The following IL1R1 variants were observed in gnomAD, a reference collection of about 807,000 sequenced individuals.
The protein encoded by IL1R1 is interleukin 1 receptor type 1, also known as interleukin-1 receptor type 1.
Under a neutral mutation model 50.2 loss-of-function variants are expected in IL1R1, and 22 were observed. That is an observed-to-expected ratio of 0.44 (90% CI 0.31 to 0.63). The LOEUF is 0.63. IL1R1 is among the 20% of genes least tolerant of loss of function. The pLI, the probability that IL1R1 is intolerant of heterozygous loss-of-function variation, is 0.07. For synonymous variants in IL1R1, 251 were observed against 236.7 expected (o/e 1.06, Z -0.55); for missense variants, 509 against 676.2 (o/e 0.75, Z 2.74).
Position 102,157,761 on chromosome 2 carries a change from C to T in IL1R1, c.37C>T (p.Leu13=), listed in dbSNP as rs777273469. Residue 13 remains leucine (L), a synonymous_variant, in exon 3 of 12, where the codon CTA becomes TTA. Coordinates refer to ENST00000410023, the MANE Select transcript of IL1R1 (RefSeq NM_000877.4). The stretch of plus-strand genomic sequence containing the variant: ...ACTCAGACTTATTTGTTTCATAGCT[C>T]TACTGATTTCTTCTCTGGAGGCTGG... The part of the protein sequence containing the change: ...VLLRLICFIA[L]LISSLEADKC... The T allele has an allele frequency of 8.1e-6, 13 of 1,603,620 alleles. No individual in the cohort carries two copies. Among genetic ancestry groups the T allele is most frequent in the Admixed American group, 3.3e-5 (2 of 59,998 alleles).
At chr2:102,086,234 A>G (rs1411862207) in intron 1 of IL1R1, among the ~76,000 whole-genome samples, 1 of 152,188 alleles carries the variant, frequency 6.6e-6, no homozygotes, top group Non-Finnish European at 1.5e-5. Flanking sequence ...TTGACAGTTT[A>G]GTTTTCTTTA....
chr2:102,121,805 C>G (rs1681422068), intron 1 of IL1R1, among the ~76,000 whole-genome samples: 1 of 152,074 alleles, frequency 6.6e-6, no homozygotes, highest in African/African-American at 2.4e-5. Flanking sequence ...CATTTTTTTT[C>G]TTATTGTACA....
At chr2:102,113,115 T>C (rs1680868503) in intron 1 of IL1R1, among the ~76,000 whole-genome samples, 1 of 152,256 alleles carries the variant, frequency 6.6e-6, no homozygotes, top group African/African-American at 2.4e-5. Flanking sequence ...TGATAATTTG[T>C]TACAGCAGCC....
chr2:102,092,704 A>C (rs988462679), intron 1 of IL1R1, among the ~76,000 whole-genome samples: 3 of 152,190 alleles, frequency 2.0e-5, no homozygotes, highest in African/African-American at 7.2e-5. Context: ...TTCTTCTAGC[A>C]GTGAACTCTT....
chr2:102,137,527 G>A (rs554941653), intron 1 of IL1R1, among the ~76,000 whole-genome samples: 8 of 152,220 alleles, frequency 5.3e-5, no homozygotes, highest in African/African-American at 4.8e-5. Context: ...CATGTGGCTC[G>A]AGCTTCCTAA....
intron 1 of IL1R1, among the ~76,000 whole-genome samples, chr2:102,105,736 C>A (rs1680370884): frequency 6.6e-6 from 1 of 152,172 alleles, no homozygotes; most frequent in African/African-American, 2.4e-5. Context: ...ATTGGCAAAA[C>A]TTGTACACGC....
In IL1R1 at chr2:102,165,199, A is replaced by G. The variant is rs1379473723; in HGVS notation, c.381A>G (p.Ile127Met). ...ACTTATGTTATAATGCACAAGCCAT[A>G]TTTAAGCAGAAACTACCCGTTGCAG... is the stretch of plus-strand genomic sequence containing the variant. ...EPNLCYNAQA[I>M]FKQKLPVAGD... The change falls in exon 5 of 12, where the codon ATA (isoleucine) becomes ATG (methionine). Residue 127 changes from isoleucine (I) to methionine (M), a missense_variant. Coordinates refer to ENST00000410023, the MANE Select transcript of IL1R1 (RefSeq NM_000877.4). The G allele has an allele frequency of 6.2e-7, 1 of 1,607,852 alleles. No individual in the cohort carries two copies. The highest frequency in any genetic ancestry group is 1.7e-5 in the Admixed American group (1 of 58,508).
chr2:102,115,311 G>T (rs72996573), intron 1 of IL1R1, among the ~76,000 whole-genome samples: 4,171 of 152,278 alleles, frequency 0.027, 205 homozygotes, highest in African/African-American at 0.093. Context: ...ATCCTGCCTG[G>T]TGGGGAAATT....
chr2:102,144,834 A>G (rs546237767), intron 1 of IL1R1, among the ~76,000 whole-genome samples: 1 of 152,302 alleles, frequency 6.6e-6, no homozygotes, highest in African/African-American at 2.4e-5. Flanking sequence ...GTGGTTCCCT[A>G]GAGAATCGCA....
At chr2:102,116,534 C>A in intron 1 of IL1R1, among the ~76,000 whole-genome samples, 1 of 152,080 alleles carries the variant, frequency 6.6e-6, no homozygotes, top group East Asian at 1.9e-4. Context: ...CCATGTATTC[C>A]GATAATTTTA....
intron 1 of IL1R1, among the ~76,000 whole-genome samples, chr2:102,077,763 A>G (rs1373935788): frequency 6.6e-6 from 1 of 152,224 alleles, no homozygotes; most frequent in East Asian, 1.9e-4. Context: ...GAACAGTGAA[A>G]TACACATTTT....
intron 6 of IL1R1, among the ~76,000 whole-genome samples, chr2:102,168,298 T>C (rs1326432110): frequency 6.6e-6 from 1 of 152,190 alleles, no homozygotes; most frequent in Non-Finnish European, 1.5e-5. Flanking sequence ...CTGACATGCT[T>C]TCACTTAAGA....
chr2:102,073,086 C>A (rs1041048921), intron 1 of IL1R1, among the ~76,000 whole-genome samples: 1 of 152,108 alleles, frequency 6.6e-6, no homozygotes, highest in African/African-American at 2.4e-5. Flanking sequence ...ACTGGGGGAT[C>A]AACTATTCGC....
At chr2:102,101,979 G>A (rs114884060), upstream of IL1R1, among the ~76,000 whole-genome samples, 255 of 148,050 alleles carry the variant, frequency 1.7e-3, 1 homozygote, top group African/African-American at 6.0e-3. Flanking sequence ...GTGTGGGTGC[G>A]TGTGGGTGCA....
At chr2:102,131,015 G>A (rs1682001148) in intron 1 of IL1R1, among the ~76,000 whole-genome samples, 2 of 152,148 alleles carry the variant, frequency 1.3e-5, no homozygotes, top group Non-Finnish European at 2.9e-5. Flanking sequence ...CCCAGGCAGA[G>A]TCAGTGAGAA....
chr2:102,159,948 T>C (rs538903717), intron 3 of IL1R1, among the ~76,000 whole-genome samples: 2 of 152,238 alleles, frequency 1.3e-5, no homozygotes, highest in South Asian at 2.1e-4. Context: ...CCTTATTTTC[T>C]AGTAAATGCT....
chr2:102,094,945 C>A (rs1048139623), intron 1 of IL1R1, among the ~76,000 whole-genome samples: 2 of 151,994 alleles, frequency 1.3e-5, no homozygotes, highest in Admixed American at 1.3e-4. Flanking sequence ...TGGGGAGGGG[C>A]AAGAGTGACG....
chr2:102,138,622 T>C (rs901174995), upstream of IL1R1, among the ~76,000 whole-genome samples: 11 of 152,114 alleles, frequency 7.2e-5, no homozygotes, highest in African/African-American at 2.4e-4. Context: ...TTGAGTAGAT[T>C]GAAATTGAGA....
At chr2:102,096,010 A>AG (rs1345848116) in intron 1 of IL1R1, among the ~76,000 whole-genome samples, 3 of 152,244 alleles carry the variant, frequency 2.0e-5, no homozygotes, top group African/African-American at 7.2e-5. Flanking sequence ...TCAAAAAAAA[A>AG]GAAAAAATTT....
Sources: gnomAD v4.1 joint callset for allele counts (sites outside exome capture counted in the v4.1 genomes callset) on GRCh38, gnomAD v4.1.1 for gene constraint, MANE v1.5 for transcripts, NCBI Gene and HGNC (gene_info 2026-07-23, HGNC 2026-07-21) for gene names.